The following RIPOR3 variants were observed in gnomAD, a reference collection of about 807,000 sequenced individuals.
The protein encoded by RIPOR3 is RIPOR family member 3.
Under a neutral mutation model 114.3 loss-of-function variants are expected in RIPOR3, and 95 were observed. The observed-to-expected ratio is 0.83, with a 90% CI of 0.70 to 0.99. The LOEUF (loss-of-function observed/expected upper bound fraction) is 0.99. RIPOR3 is among the 50% of genes least tolerant of loss of function. RIPOR3 has a pLI of 0.00. For missense variants in RIPOR3, 1,252 were observed against 1,266.9 expected, an observed-to-expected ratio of 0.99 and a Z score of 0.18; for synonymous variants, 575 against 543.8, an observed-to-expected ratio of 1.06 and a Z score of -0.80.
At chr20:50,636,637 G>C in intron 1 of RIPOR3, 1 of 985,640 alleles carries the variant, frequency 1.0e-6, no homozygotes, top group Non-Finnish European at 1.2e-6. Context: ...GCCTCTCTCT[G>C]GCCTGGCACT....
At position 50,691,331 on chromosome 20, in the gene RIPOR3, C is replaced by G. The variant is rs1461508108; in HGVS notation, c.-203G>C. 3 of 513,074 alleles carry G rather than the reference C, an allele frequency of 5.8e-6. No individual in the cohort carries two copies. The African/African-American group carries it at 6.0e-5, about 10-fold the overall frequency. 31.8% of individuals were successfully genotyped at this position (513,074 alleles called of 1,614,324 possible). On this transcript the variant is annotated 5_prime_UTR_variant, in exon 1 of 22. Transcript: ENST00000327979. ...ATCGCCTTGAGGACCTGCTGCGCCC[C>G]GAGTCTTCCTTCTGGTGCAGGGAGG...
At chr20:50,632,954 G>C (rs1014941323) in intron 1 of RIPOR3, among the ~76,000 whole-genome samples, 6 of 152,192 alleles carry the variant, frequency 3.9e-5, no homozygotes, top group Non-Finnish European at 7.3e-5. Flanking sequence ...TGCTGAGCCA[G>C]CTTGTACCAG....
chr20:50,641,228 G>A (rs1000160007), intron 1 of RIPOR3, among the ~76,000 whole-genome samples: 3 of 150,054 alleles, frequency 2.0e-5, no homozygotes, highest in African/African-American at 7.4e-5. Flanking sequence ...TTTTTTTTCT[G>A]AGAGAGAGAC....
chr20:50,608,915 A>G lies in RIPOR3; in HGVS notation c.681T>C (p.Tyr227=), dbSNP rs766105151. Residue 227 remains tyrosine (Y), a synonymous_variant, in exon 9 of 22, where the codon TAT becomes TAC. Transcript: ENST00000327979. ...GYARLCPGDH[Y]EVLMRLGRQR... is the part of the protein sequence containing the mutation. ...TGACCCCAGAGAGTGGCCGTACCTC[A>G]TAGTGGTCTCCGGGACAGAGGCGTG... The G allele has an allele frequency of 1.3e-6, 2 of 1,596,094 alleles. No individual in the cohort carries two copies. The highest frequency in any genetic ancestry group is 2.3e-5 in the East Asian group (1 of 44,186).
At chr20:50,667,952 G>A (rs1248294031) in intron 1 of RIPOR3, among the ~76,000 whole-genome samples, 1 of 152,178 alleles carries the variant, frequency 6.6e-6, no homozygotes, top group Non-Finnish European at 1.5e-5. Flanking sequence ...ATTCCATGCT[G>A]CTGTGACTAG....
chr20:50,657,107 C>T (rs2085837452), intron 1 of RIPOR3, among the ~76,000 whole-genome samples: 1 of 152,180 alleles, frequency 6.6e-6, no homozygotes, highest in Non-Finnish European at 1.5e-5. Context: ...AACCCTGTGG[C>T]CAAGCGAGGT....
At chr20:50,642,402 G>C (rs1010074150) in intron 1 of RIPOR3, among the ~76,000 whole-genome samples, 1 of 151,340 alleles carries the variant, frequency 6.6e-6, no homozygotes, top group African/African-American at 2.4e-5. Context: ...CAGGGAGAGA[G>C]ATACAAGCTT....
chr20:50,610,988 G>A, intron 5 of RIPOR3, 82 bp from the exon 6 acceptor site: 1 of 992,450 alleles, frequency 1.0e-6, no homozygotes, highest in Non-Finnish European at 1.4e-6. Flanking sequence ...CCCTCCTACA[G>A]GTCCTAACTC....
intron 20 of RIPOR3, among the ~76,000 whole-genome samples, chr20:50,589,206 A>C (rs532060935): frequency 1.3e-5 from 2 of 151,830 alleles, no homozygotes; most frequent in East Asian, 3.9e-4. Context: ...GCTCACACAC[A>C]CCCACAAACT....
chr20:50,606,997 T>C (rs1034888242), intron 11 of RIPOR3, among the ~76,000 whole-genome samples: 1 of 152,228 alleles, frequency 6.6e-6, no homozygotes, highest in African/African-American at 2.4e-5. Context: ...CTCAAAGTGC[T>C]GGGATTATAG....
In RIPOR3 at chr20:50,622,581, C is replaced by A. The variant is rs118123677; in HGVS notation, c.123-2449G>T. On this transcript the variant is annotated intron_variant, in intron 2 of 21. Coordinates refer to ENST00000327979, the MANE Select transcript of RIPOR3 (RefSeq NM_001290268.2). ...TATGCTGGAAGCAGCTTCAACCCAC[C>A]CCTAAAAGCTGGCTGAACAACAAGA... Among the ~76,000 whole-genome samples the A allele has an allele frequency of 6.6e-5, 10 of 152,210 alleles. No homozygotes were observed. In the East Asian group the frequency reaches 1.7e-3, roughly 26 times the overall value.
At chr20:50,589,624 C>A in intron 20 of RIPOR3, 62 bp downstream of exon 20, 1 of 1,546,776 alleles carries the variant, frequency 6.5e-7, no homozygotes, top group Non-Finnish European at 8.9e-7. Flanking sequence ...AGTTAACTAA[C>A]CTTAACCCTA....
In RIPOR3 at chr20:50,640,503, A is replaced by C. The variant is rs1216281418; in HGVS notation, c.4-9647T>G. Reference sequence around the variant, plus strand: ...GTGAACACACGCACTGGTCAGGCTTAGCTCCATGCGGGGAGGATGTAAATT... The same window carrying C: ...GTGAACACACGCACTGGTCAGGCTTCGCTCCATGCGGGGAGGATGTAAATT... On this transcript the variant is annotated intron_variant, in intron 1 of 21. Coordinates refer to ENST00000327979, the MANE Select transcript of RIPOR3 (RefSeq NM_001290268.2). Among the ~76,000 whole-genome samples, 10 of 148,642 alleles carry C rather than the reference A, an allele frequency of 6.7e-5. No individual in the cohort carries two copies. In the Admixed American group the frequency reaches 6.8e-4, roughly 10 times the overall value.
intron 17 of RIPOR3, 21 bp downstream of exon 17, chr20:50,594,532 A>C: frequency 6.2e-7 from 1 of 1,605,038 alleles, no homozygotes; most frequent in Non-Finnish European, 8.5e-7. Flanking sequence ...GGAGGGGACG[A>C]CAGGACAGAA....
intron 1 of RIPOR3, among the ~76,000 whole-genome samples, chr20:50,637,131 C>T (rs1158031681): frequency 6.6e-6 from 1 of 152,132 alleles, no homozygotes; most frequent in Non-Finnish European, 1.5e-5. Context: ...AGAGGGGGCC[C>T]GAGAAAGTGT....
At position 50,609,630 on chromosome 20, in the gene RIPOR3, G is replaced by A. The variant is rs770190785; in HGVS notation, c.519C>T (p.Ser173=). Residue 173 remains serine, a synonymous_variant, in exon 7 of 22, where the codon AGC becomes AGT. Transcript: ENST00000327979. ...MQRAFARCPP[S]RAARESLQEL... is the part of the protein sequence containing the mutation. ...CCTGCAGGCTCTCTCGGGCTGCGCGGCTCGGGGGGCACCGGGCGAAGGCCC... is the reference window on the plus strand; with the variant it reads ...CCTGCAGGCTCTCTCGGGCTGCGCGACTCGGGGGGCACCGGGCGAAGGCCC... 5 of 1,402,356 alleles carry A rather than the reference G, an allele frequency of 3.6e-6. No individual in the cohort carries two copies. The African/African-American group carries it at 4.5e-5, about 13-fold the overall frequency. 86.9% of individuals were successfully genotyped at this position (1,402,356 alleles called of 1,614,324 possible). A position where few individuals can be genotyped will look rare whatever the true frequency, so the allele number is the denominator to read the frequency against.
At chr20:50,678,507 A>G (rs1313721144) in intron 1 of RIPOR3, among the ~76,000 whole-genome samples, 1 of 152,204 alleles carries the variant, frequency 6.6e-6, no homozygotes, top group Non-Finnish European at 1.5e-5. Context: ...TCCAAGGCCA[A>G]GGTTATCATG....
intron 1 of RIPOR3, among the ~76,000 whole-genome samples, chr20:50,644,644 C>T (rs894346827): frequency 5.4e-5 from 8 of 147,364 alleles, no homozygotes; most frequent in African/African-American, 2.0e-4. Flanking sequence ...CCACCATGAC[C>T]GGCTAATTTC....
At chr20:50,651,067 G>A (rs2085586305) in intron 1 of RIPOR3, among the ~76,000 whole-genome samples, 1 of 152,118 alleles carries the variant, frequency 6.6e-6, no homozygotes, top group African/African-American at 2.4e-5. Flanking sequence ...TGCCTCCCGG[G>A]TTCAAGCAGT....
Sources: allele counts gnomAD v4.1 joint callset (sites outside exome capture counted in the v4.1 genomes callset), GRCh38; gene constraint gnomAD v4.1.1; transcripts MANE v1.5; gene names NCBI Gene and HGNC (gene_info 2026-07-23, HGNC 2026-07-21).